Variants in MCUB observed in about 807,000 individuals in gnomAD.
MCUB encodes mitochondrial calcium uniporter dominant negative subunit beta.
MCUB carries 46 observed loss-of-function variants against 41.4 expected under a neutral mutation model. The observed-to-expected ratio is 1.11, with a 90% CI of 0.88 to 1.42. MCUB has a LOEUF of 1.42. MCUB is among the 40% of genes most tolerant of loss of function. The pLI is 0.00. For missense variants in MCUB, 403 were observed against 404.9 expected (o/e 1.00, Z 0.04); for synonymous variants, 148 against 148.2 (o/e 1.00, Z 0.01).
At chr4:109,588,521 C>T (rs1727359015) in intron 1 of MCUB, among the ~76,000 whole-genome samples, 1 of 152,144 alleles carries the variant, frequency 6.6e-6, no homozygotes, top group Admixed American at 6.5e-5. Context: ...AAACTGTCAG[C>T]TTTTAGCAAA....
intron 1 of MCUB, among the ~76,000 whole-genome samples, chr4:109,653,899 T>C (rs114810918): frequency 0.011 from 1,694 of 152,342 alleles, 41 homozygotes; most frequent in African/African-American, 0.038. Context: ...TACATGTACA[T>C]AGACCTTTTT....
chr4:109,652,362 A>G (rs938808249), intron 1 of MCUB, among the ~76,000 whole-genome samples: 6 of 152,312 alleles, frequency 3.9e-5, no homozygotes, highest in African/African-American at 1.4e-4. Flanking sequence ...AAATCTGTGG[A>G]AATAAGCCAT....
At chr4:109,624,359 A>G (rs1728319007) in intron 1 of MCUB, among the ~76,000 whole-genome samples, 1 of 152,224 alleles carries the variant, frequency 6.6e-6, no homozygotes. Context: ...GAATGCTCCT[A>G]GAGTTCTGGA....
chr4:109,577,423 T>TC (rs1483772082), intron 1 of MCUB, among the ~76,000 whole-genome samples: 1 of 152,098 alleles, frequency 6.6e-6, no homozygotes, highest in Non-Finnish European at 1.5e-5. Flanking sequence ...TCTCACTCAG[T>TC]CCCCCTCACT....
chr4:109,687,327 C>T (rs1729868910), intron 7 of MCUB, among the ~76,000 whole-genome samples, 188 bp from the exon 8 acceptor site: 1 of 152,076 alleles, frequency 6.6e-6, no homozygotes, highest in South Asian at 2.1e-4. Flanking sequence ...GCACTGCACT[C>T]CTGCCTGGGT....
At chr4:109,604,674 G>A (rs377488679) in intron 1 of MCUB, among the ~76,000 whole-genome samples, 1 of 152,230 alleles carries the variant, frequency 6.6e-6, no homozygotes, top group African/African-American at 2.4e-5. Context: ...CTTTTATTAC[G>A]TTGAGGTAAG....
At chr4:109,579,492 C>T (rs779923198) in intron 1 of MCUB, among the ~76,000 whole-genome samples, 18 of 152,170 alleles carry the variant, frequency 1.2e-4, no homozygotes, top group Non-Finnish European at 2.2e-4. Flanking sequence ...TTGTGATCCA[C>T]GCGCCTCGGC....
chr4:109,573,330 G>A (rs113967378), intron 1 of MCUB, among the ~76,000 whole-genome samples: 141 of 152,106 alleles, frequency 9.3e-4, no homozygotes, highest in African/African-American at 3.2e-3. Context: ...GTGGGCACCT[G>A]TAGTCCCCAC....
chr4:109,686,545 T>G (rs1211303619), intron 7 of MCUB, among the ~76,000 whole-genome samples: 1 of 152,214 alleles, frequency 6.6e-6, no homozygotes, highest in East Asian at 1.9e-4. Flanking sequence ...TAATCCTATC[T>G]GAGAAGGCTA....
At chr4:109,622,944 C>T (rs967304183) in intron 1 of MCUB, among the ~76,000 whole-genome samples, 4 of 152,134 alleles carry the variant, frequency 2.6e-5, no homozygotes, top group African/African-American at 4.8e-5. Context: ...GTGTGACTGG[C>T]GTTTCTTGGA....
At chr4:109,652,155 A>G (rs1402808595) in intron 1 of MCUB, among the ~76,000 whole-genome samples, 2 of 152,164 alleles carry the variant, frequency 1.3e-5, no homozygotes, top group Non-Finnish European at 2.9e-5. Context: ...GACACCAGTT[A>G]TGTCGGATTA....
intron 4 of MCUB, among the ~76,000 whole-genome samples, chr4:109,679,376 G>C (rs147075955): frequency 1.2e-4 from 19 of 152,278 alleles, no homozygotes; most frequent in East Asian, 1.2e-3. Flanking sequence ...CTGAGTGAGC[G>C]AGACTCCGTC....
intron 1 of MCUB, among the ~76,000 whole-genome samples, chr4:109,578,893 A>G (rs1447722181): frequency 6.6e-6 from 1 of 152,172 alleles, no homozygotes; most frequent in Non-Finnish European, 1.5e-5. Flanking sequence ...ATTCCTGGAG[A>G]ACAAAAATGA....
At chr4:109,645,984 T>G (rs1192679278) in intron 1 of MCUB, among the ~76,000 whole-genome samples, 1 of 152,152 alleles carries the variant, frequency 6.6e-6, no homozygotes, top group African/African-American at 2.4e-5. Context: ...CTGATGTCTC[T>G]CAGCTTAAGA....
At chr4:109,625,420 C>T (rs1038387338) in intron 1 of MCUB, among the ~76,000 whole-genome samples, 1 of 152,172 alleles carries the variant, frequency 6.6e-6, no homozygotes, top group African/African-American at 2.4e-5. Flanking sequence ...CTGTTTTTCA[C>T]TTTCAGTACA....
At chr4:109,612,919 A>C (rs1427323756) in intron 1 of MCUB, among the ~76,000 whole-genome samples, 2 of 152,166 alleles carry the variant, frequency 1.3e-5, no homozygotes, top group Non-Finnish European at 2.9e-5. Flanking sequence ...ATCCTGGCTA[A>C]CACGGTGAAA....
intron 1 of MCUB, among the ~76,000 whole-genome samples, chr4:109,658,647 A>T (rs945638100): frequency 6.6e-6 from 1 of 152,156 alleles, no homozygotes; most frequent in Non-Finnish European, 1.5e-5. Context: ...TGGGGACCAC[A>T]TATTGAGAAG....
chr4:109,662,008 G>C (rs1472212765), intron 3 of MCUB, among the ~76,000 whole-genome samples: 1 of 152,182 alleles, frequency 6.6e-6, no homozygotes, highest in Non-Finnish European at 1.5e-5. Flanking sequence ...ACTCCAGCCT[G>C]AGTGATAGAG....
chr4:109,656,732 A>G (rs923687539), intron 1 of MCUB, among the ~76,000 whole-genome samples: 6 of 152,138 alleles, frequency 3.9e-5, no homozygotes, highest in Non-Finnish European at 8.8e-5. Flanking sequence ...CATTATTTTT[A>G]TAGAAGAATT....
Sources: allele counts gnomAD v4.1 joint callset (sites outside exome capture counted in the v4.1 genomes callset), GRCh38; gene constraint gnomAD v4.1.1; transcripts MANE v1.5; gene names NCBI Gene and HGNC (gene_info 2026-07-23, HGNC 2026-07-21).